The following ZNF10 variants were observed in gnomAD, a reference collection of about 807,000 sequenced individuals.
ZNF10 encodes the protein zinc finger protein 10 (KOX 1).
ZNF10 carries 8 observed loss-of-function variants against 12.2 expected under a neutral mutation model. That is an observed-to-expected ratio of 0.66 (90% confidence interval 0.39 to 1.18). The LOEUF (loss-of-function observed/expected upper bound fraction) is 1.18. ZNF10 is among the 50% of genes most tolerant of loss of function. The pLI is 0.01. For synonymous variants in ZNF10, 229 were observed against 228.2 expected, an observed-to-expected ratio of 1.00 and a Z score of -0.03; for missense variants, 603 against 678.9, an observed-to-expected ratio of 0.89 and a Z score of 1.24.
At chr12:133,133,240 C>A (rs957893422) in intron 1 of ZNF10, among the ~76,000 whole-genome samples, 27 of 152,088 alleles carry the variant, frequency 1.8e-4, no homozygotes, top group African/African-American at 6.0e-4. Context: ...GCTGATCATA[C>A]CTTGCCCTTT....
At chr12:133,139,670 T>C (rs1031191369) in intron 1 of ZNF10, among the ~76,000 whole-genome samples, 5 of 152,014 alleles carry the variant, frequency 3.3e-5, no homozygotes, top group East Asian at 1.9e-4. Context: ...GCCACAGCAG[T>C]AGGAGTTGGT....
chr12:133,155,382 A>T, intron 4 of ZNF10, 121 bp from the exon 5 acceptor site: 1 of 1,069,958 alleles, frequency 9.3e-7, no homozygotes, highest in South Asian at 1.7e-5. Context: ...TCTCTATCAA[A>T]GTTATAAAGC....
chr12:133,157,216 G>T lies in ZNF10; in HGVS notation c.*248G>T, dbSNP rs1956048177. ...TTGGCCTGAGAGCATTCTTGACCAA[G>T]TCTTAAATGCTAGAATCTGAGAAGG... is the stretch of plus-strand genomic sequence containing the variant. On this transcript the variant is annotated 3_prime_UTR_variant, in exon 5 of 5. Coordinates refer to ENST00000248211, the MANE Select transcript of ZNF10 (RefSeq NM_015394.5). 1.2e-5 allele frequency: 4 copies of T among 327,754 alleles called. No homozygotes were observed. The East Asian group carries it at 1.9e-4, about 16-fold the overall frequency. The allele number at this position is 327,754 out of a possible 1,614,324, so 20.3% of individuals were successfully genotyped here. A position where few individuals can be genotyped will look rare whatever the true frequency, so the allele number is the denominator to read the frequency against.
At position 133,151,105 on chromosome 12, in the gene ZNF10, C is replaced by T. The variant is rs770889593; in HGVS notation, c.111C>T (p.Ile37=). Residue 37 remains isoleucine (I), a synonymous_variant, in exon 3 of 5, where the codon ATC becomes ATT. Coordinates refer to ENST00000248211, the MANE Select transcript of ZNF10 (RefSeq NM_015394.5). ...AGCTGCTGGACACTGCTCAGCAGATCGTGTACAGAAATGTGATGCTGGAGA... is the reference window on the plus strand; with the variant it reads ...AGCTGCTGGACACTGCTCAGCAGATTGTGTACAGAAATGTGATGCTGGAGA... ...EWKLLDTAQQ[I]VYRNVMLENY... The T allele has an allele frequency of 7.4e-6, 12 of 1,613,804 alleles. No homozygotes were observed. Among genetic ancestry groups the T allele is most frequent in the Middle Eastern group, 1.6e-4 (1 of 6,062 alleles).
At chr12:133,146,346 T>C (rs1175626739) in intron 2 of ZNF10, among the ~76,000 whole-genome samples, 3 of 152,312 alleles carry the variant, frequency 2.0e-5, no homozygotes, top group East Asian at 1.9e-4. Flanking sequence ...ACCTTTGGTA[T>C]AATCCACACA....
At chr12:133,149,920 A>G (rs1397847059) in intron 2 of ZNF10, among the ~76,000 whole-genome samples, 2 of 152,138 alleles carry the variant, frequency 1.3e-5, no homozygotes, top group Admixed American at 6.5e-5. Context: ...TAGAATATAC[A>G]TATCTAATCT....
intron 2 of ZNF10, among the ~76,000 whole-genome samples, chr12:133,149,710 T>C (rs777801223): frequency 1.3e-5 from 2 of 152,052 alleles, no homozygotes; most frequent in African/African-American, 2.4e-5. Context: ...TTGTTATGTT[T>C]AGACCATTTT....
chr12:133,144,953 G>C, intron 2 of ZNF10: 1 of 415,442 alleles, frequency 2.4e-6, no homozygotes, highest in South Asian at 1.7e-5. Flanking sequence ...CGCGATCTCA[G>C]CTCACTGCAA....
Position 133,157,378 on chromosome 12 carries a change from A to G in ZNF10, c.*410A>G, listed in dbSNP as rs1040770012. The G allele has an allele frequency of 2.6e-5, 4 of 155,294 alleles. No individual in the cohort carries two copies. Among genetic ancestry groups the G allele is most frequent in the African/African-American group, 7.2e-5 (3 of 41,582 alleles). The allele number at this position is 155,294 out of a possible 1,614,324, so 9.6% of individuals were successfully genotyped here. A position where few individuals can be genotyped will look rare whatever the true frequency, so the allele number is the denominator to read the frequency against. ...AACAAAAGATGGAAAATAATATTTC[A>G]GTCAATATGTCATTGTTTTCTTGAC... On this transcript the variant is annotated 3_prime_UTR_variant, in exon 5 of 5. Coordinates refer to ENST00000248211, the MANE Select transcript of ZNF10 (RefSeq NM_015394.5).
intron 1 of ZNF10, among the ~76,000 whole-genome samples, chr12:133,132,707 A>G (rs747683094): frequency 3.3e-5 from 5 of 152,170 alleles, no homozygotes; most frequent in Non-Finnish European, 7.4e-5. Flanking sequence ...TTGTCTGTGT[A>G]TGTGCCTCTT....
chr12:133,145,798 CTG>C (rs1955972148), intron 2 of ZNF10, among the ~76,000 whole-genome samples: 1 of 149,584 alleles, frequency 6.7e-6, no homozygotes, highest in Admixed American at 6.7e-5. Context: ...GAGCAAAACT[CTG>C]TCCCACCCCC....
intron 1 of ZNF10, among the ~76,000 whole-genome samples, chr12:133,133,092 C>T (rs1055916963): frequency 6.6e-6 from 1 of 152,130 alleles, no homozygotes; most frequent in Admixed American, 6.5e-5. Flanking sequence ...ATTTACATAA[C>T]ATGAAAAGCG....
intron 2 of ZNF10, among the ~76,000 whole-genome samples, chr12:133,148,341 G>A (rs568906024): frequency 2.6e-5 from 4 of 152,080 alleles, no homozygotes; most frequent in Admixed American, 6.5e-5. Context: ...GGCTAGTCTC[G>A]AACTCCTGAC....
chr12:133,157,145 C>A lies in ZNF10; in HGVS notation c.*177C>A. ...AAACCACAGATTTTATTTCAGTACA[C>A]AAATCCATCAGATTTTCTTCTTTTC... On this transcript the variant is annotated 3_prime_UTR_variant, in exon 5 of 5. Coordinates refer to ENST00000248211, the MANE Select transcript of ZNF10 (RefSeq NM_015394.5). 4.0e-6 allele frequency: 2 copies of A among 502,244 alleles called. No homozygotes were observed. The highest frequency in any genetic ancestry group is 6.2e-6 in the Non-Finnish European group (2 of 323,016). 31.1% of individuals were successfully genotyped at this position (502,244 alleles called of 1,614,324 possible). A position where few individuals can be genotyped will look rare whatever the true frequency, so the allele number is the denominator to read the frequency against.
chr12:133,156,889 A>G lies in ZNF10; in HGVS notation c.1643A>G (p.Asn548Ser). 2.6e-6 allele frequency: 4 copies of G among 1,517,408 alleles called. No homozygotes were observed. Among genetic ancestry groups the G allele is most frequent in the East Asian group, 2.3e-5 (1 of 44,030 alleles). The allele number at this position is 1,517,408 out of a possible 1,614,324, so 94.0% of individuals were successfully genotyped here. A position where few individuals can be genotyped will look rare whatever the true frequency, so the allele number is the denominator to read the frequency against. Reference protein sequence around the residue: ...AHTGEQFLTCNQCGTALVNTS... With the variant: ...AHTGEQFLTCSQCGTALVNTS... ...ACTGGAGAGCAGTTCTTAACATGCAATCAATGTGGGACAGCGCTTGTTAAT... is the reference window on the plus strand; with the variant it reads ...ACTGGAGAGCAGTTCTTAACATGCAGTCAATGTGGGACAGCGCTTGTTAAT... The change falls in exon 5 of 5, where the codon AAT becomes AGT. Residue 548 changes from asparagine (N) to serine (S), a missense_variant. Physicochemically the swap from Asn to Ser is conservative, Grantham distance 46. Coordinates refer to ENST00000248211, the MANE Select transcript of ZNF10 (RefSeq NM_015394.5).
intron 4 of ZNF10, among the ~76,000 whole-genome samples, chr12:133,152,285 T>A (rs920261199): frequency 6.6e-6 from 1 of 152,208 alleles, no homozygotes; most frequent in Non-Finnish European, 1.5e-5. Flanking sequence ...CTTATCACCT[T>A]CTTTTCTGAG....
Position 133,155,606 on chromosome 12 carries a change from T to C in ZNF10, c.360T>C (p.Asp120=). The C allele has an allele frequency of 6.2e-7, 1 of 1,614,022 alleles. No homozygotes were observed. The highest frequency in any genetic ancestry group is 8.5e-7 in the Non-Finnish European group (1 of 1,179,976). ...DIKMEGMARN[D]LWYLSLEEVW... is the part of the protein sequence containing the mutation. ...AAATGGAAGGAATGGCAAGGAATGA[T>C]CTCTGGTATTTGTCATTAGAAGAAG... Residue 120 remains aspartate, a synonymous_variant, in exon 5 of 5, where the codon GAT becomes GAC. Transcript: ENST00000248211.
In ZNF10 at chr12:133,158,612, T is replaced by C. The variant is rs1431917516; in HGVS notation, c.*1644T>C. On this transcript the variant is annotated 3_prime_UTR_variant, in exon 5 of 5. Coordinates refer to ENST00000248211, the MANE Select transcript of ZNF10 (RefSeq NM_015394.5). ...TCTATTTTAATTTTCTCTTTCATTC[T>C]ATAAATCAGTCTGTTGTATATAGGG... The C allele has an allele frequency of 6.6e-6, 1 of 152,252 alleles. No individual in the cohort carries two copies. Among genetic ancestry groups the C allele is most frequent in the Non-Finnish European group, 1.5e-5 (1 of 68,042 alleles). 9.4% of individuals were successfully genotyped at this position (152,252 alleles called of 1,614,324 possible).
Position 133,159,058 on chromosome 12 carries a change from G to C in ZNF10, c.*2090G>C, listed in dbSNP as rs1956058261. 6.6e-6 allele frequency: 1 copy of C among 152,226 alleles called. No homozygotes were observed. 9.4% of individuals were successfully genotyped at this position (152,226 alleles called of 1,614,324 possible). ...AACCTGTGGCTCAATTTCCTCAACT[G>C]TATAATGAGGTTACTACTAGTATCT... On this transcript the variant is annotated 3_prime_UTR_variant, in exon 5 of 5. Transcript: ENST00000248211.
Sources: allele counts gnomAD v4.1 joint callset (sites outside exome capture counted in the v4.1 genomes callset), GRCh38; gene constraint gnomAD v4.1.1; transcripts MANE v1.5; gene names NCBI Gene and HGNC (gene_info 2026-07-23, HGNC 2026-07-21).